EPS8: variants seen among roughly 807,000 people sequenced by gnomAD.
EPS8 encodes the protein EGFR pathway substrate 8, signaling adaptor, also known as epidermal growth factor receptor kinase substrate 8.
Under a neutral mutation model 103.8 loss-of-function variants are expected in EPS8, and 42 were observed. The observed-to-expected ratio is 0.40, with a 90% CI of 0.32 to 0.52. The LOEUF is 0.52. Among genes scored for constraint, EPS8 ranks in the 20% least tolerant of loss-of-function variants. The pLI, the probability that EPS8 is intolerant of heterozygous loss-of-function variation, is 0.40. For missense variants in EPS8, 969 were observed against 1,005.1 expected (o/e 0.96, Z 0.49); for synonymous variants, 344 against 344.6 (o/e 1.00, Z 0.02).
At position 15,751,448 on chromosome 12, in the gene EPS8, T is replaced by C. The variant is rs1028170288; in HGVS notation, c.-22+37713A>G. ...TTATTCATTCATTTTGCCAAAACTA[T>C]ATGGCACTATAGCAATAAACAAGGC... is the stretch of plus-strand genomic sequence containing the variant. On this transcript the variant is annotated intron_variant, in intron 1 of 20. Coordinates refer to ENST00000281172, the MANE Select transcript of EPS8 (RefSeq NM_004447.6). This position sits in a 1 kb window ranked among gnomAD's most constrained non-coding sequence, Gnocchi z 4.3. Among the ~76,000 whole-genome samples the C allele has an allele frequency of 6.6e-6, 1 of 152,300 alleles. No homozygotes were observed. The highest frequency in any genetic ancestry group is 2.1e-4 in the South Asian group (1 of 4,826).
chr12:15,631,212 T>A (rs910047524), intron 18 of EPS8, among the ~76,000 whole-genome samples: 5 of 152,178 alleles, frequency 3.3e-5, no homozygotes, highest in African/African-American at 7.2e-5. Flanking sequence ...TCAATTATCA[T>A]AACAGATTGG....
chr12:15,756,835 G>T (rs111880304), intron 1 of EPS8, among the ~76,000 whole-genome samples: 6,791 of 152,186 alleles, frequency 0.045, 468 homozygotes, highest in African/African-American at 0.15. Context: ...CTAACAGAAC[G>T]TCTAACATAA....
intron 17 of EPS8, among the ~76,000 whole-genome samples, chr12:15,639,528 A>G (rs766593843): frequency 1.3e-5 from 2 of 152,224 alleles, no homozygotes; most frequent in South Asian, 4.1e-4. Context: ...CAGCCAAAAC[A>G]TAACACAGCA....
intron 1 of EPS8, among the ~76,000 whole-genome samples, chr12:15,755,844 A>G (rs557989372): frequency 5.3e-5 from 8 of 152,194 alleles, no homozygotes; most frequent in Non-Finnish European, 1.0e-4. Flanking sequence ...AAATAATTCT[A>G]TATTCTTTCA....
intron 1 of EPS8, among the ~76,000 whole-genome samples, chr12:15,723,293 A>G (rs1456297257): frequency 6.6e-6 from 1 of 152,216 alleles, no homozygotes; most frequent in South Asian, 2.1e-4. Context: ...CCTGAGCAAC[A>G]GAGTGAGACC....
intron 1 of EPS8, among the ~76,000 whole-genome samples, chr12:15,766,202 G>A (rs959801151): frequency 1.3e-5 from 2 of 151,638 alleles, no homozygotes; most frequent in African/African-American, 4.8e-5. Flanking sequence ...TTTTGGCCTG[G>A]CGCAGTGGCT....
chr12:15,771,874 CA>C lies in EPS8; in HGVS notation c.-22+17286del, dbSNP rs1947158523. ...GGGCGGTGGCTCATGCCTGTAATCA[CA>C]GCACTTTGGGAGGCCGAGGTGGGTG... is the stretch of plus-strand genomic sequence containing the variant. On this transcript the variant is annotated intron_variant, in intron 1 of 20. Transcript: ENST00000281172. The surrounding 1 kb of genome is among the most constrained non-coding windows in gnomAD (Gnocchi z 4.6). Among the ~76,000 whole-genome samples the C allele has an allele frequency of 6.6e-6, 1 of 152,052 alleles. No individual in the cohort carries two copies. The highest frequency in any genetic ancestry group is 1.5e-5 in the Non-Finnish European group (1 of 67,994).
At position 15,767,636 on chromosome 12, in the gene EPS8, T is replaced by C. The variant is rs1017265037; in HGVS notation, c.-22+21525A>G. ...TCCAATACATTAAAAAAGGCTTATA[T>C]TCACCCACCTCTCTCAACACTAAAT... On this transcript the variant is annotated intron_variant, in intron 1 of 20. Transcript: ENST00000281172. The surrounding 1 kb of genome is among the most constrained non-coding windows in gnomAD (Gnocchi z 5.5). Among the ~76,000 whole-genome samples, 1 of 152,124 alleles carries C rather than the reference T, an allele frequency of 6.6e-6. No individual in the cohort carries two copies. The highest frequency in any genetic ancestry group is 2.4e-5 in the African/African-American group (1 of 41,410).
chr12:15,657,928 T>C (rs1945536070), intron 12 of EPS8, 151 bp downstream of exon 12: 1 of 617,086 alleles, frequency 1.6e-6, no homozygotes, highest in African/African-American at 1.9e-5. Context: ...TTTTAAATTC[T>C]CAAATTTTAC....
At chr12:15,681,446 G>A (rs1946004837) in intron 2 of EPS8, 144 bp from the exon 3 acceptor site, 1 of 285,624 alleles carries the variant, frequency 3.5e-6, no homozygotes, top group Non-Finnish European at 6.1e-6. Flanking sequence ...AGAACATACT[G>A]ATGGCCAGGC....
chr12:15,653,660 T>G (rs979988076), intron 13 of EPS8, among the ~76,000 whole-genome samples: 3 of 152,214 alleles, frequency 2.0e-5, no homozygotes, highest in Non-Finnish European at 4.4e-5. Flanking sequence ...TGGCACGAGT[T>G]CACATCCCTG....
chr12:15,745,244 C>A lies in EPS8; in HGVS notation c.-22+43917G>T, dbSNP rs753024104. Among the ~76,000 whole-genome samples, 30 of 152,176 alleles carry A rather than the reference C, an allele frequency of 2.0e-4. No individual in the cohort carries two copies. Among genetic ancestry groups the A allele is most frequent in the Non-Finnish European group, 3.8e-4 (26 of 68,030 alleles). On this transcript the variant is annotated intron_variant, in intron 1 of 20. Coordinates refer to ENST00000281172, the MANE Select transcript of EPS8 (RefSeq NM_004447.6). This position sits in a 1 kb window ranked among gnomAD's most constrained non-coding sequence, Gnocchi z 4.6. Reference sequence around the variant, plus strand: ...TGAGTATAAAAGAACACTTTACAACCTAACTGCTTATTATAGACTAAGTTC... The same window carrying A: ...TGAGTATAAAAGAACACTTTACAACATAACTGCTTATTATAGACTAAGTTC...
At chr12:15,722,087 G>A (rs906541903) in intron 1 of EPS8, among the ~76,000 whole-genome samples, 1 of 151,020 alleles carries the variant, frequency 6.6e-6, no homozygotes, top group Admixed American at 6.6e-5. Context: ...TCTCATTGAA[G>A]CCTTCTACAG....
At chr12:15,652,699 TG>T (rs1376109959) in intron 13 of EPS8, among the ~76,000 whole-genome samples, 1 of 152,138 alleles carries the variant, frequency 6.6e-6, no homozygotes, top group Non-Finnish European at 1.5e-5. Context: ...TATAAATAAA[TG>T]TAAATATTTT....
chr12:15,658,013 C>G, intron 12 of EPS8, 66 bp downstream of exon 12: 2 of 956,358 alleles, frequency 2.1e-6, no homozygotes, highest in Non-Finnish European at 3.4e-6. Flanking sequence ...CTAGATAATC[C>G]AGACAGACAC....
At position 15,776,303 on chromosome 12, in the gene EPS8, T is replaced by C. The variant is rs775026086; in HGVS notation, c.-22+12858A>G. ...AATAATACACTTCTGGCTGAACTAGTTTATCTAGCCTTAAAAGTTAAGCCA... is the reference window on the plus strand; with the variant it reads ...AATAATACACTTCTGGCTGAACTAGCTTATCTAGCCTTAAAAGTTAAGCCA... On this transcript the variant is annotated intron_variant, in intron 1 of 20. Coordinates refer to ENST00000281172, the MANE Select transcript of EPS8 (RefSeq NM_004447.6). This position sits in a 1 kb window ranked among gnomAD's most constrained non-coding sequence, Gnocchi z 4.2. 1.3e-5 allele frequency among the ~76,000 whole-genome samples: 2 copies of C among 152,138 alleles called. No individual in the cohort carries two copies. Among genetic ancestry groups the C allele is most frequent in the Non-Finnish European group, 2.9e-5 (2 of 68,008 alleles).
rs1052912478 is a variant in EPS8 at position 15,735,655 on chromosome 12, T to C, written c.-21-52683A>G. ...AGTACTTCTTCTATGTAGATGTGCATGTATATTGAGCTCAAAGCCTACAAA... is the reference window on the plus strand; with the variant it reads ...AGTACTTCTTCTATGTAGATGTGCACGTATATTGAGCTCAAAGCCTACAAA... On this transcript the variant is annotated intron_variant, in intron 1 of 20. Coordinates refer to ENST00000281172, the MANE Select transcript of EPS8 (RefSeq NM_004447.6). The surrounding 1 kb of genome is among the most constrained non-coding windows in gnomAD (Gnocchi z 4.4). Among the ~76,000 whole-genome samples the C allele has an allele frequency of 1.3e-4, 20 of 152,200 alleles. No individual in the cohort carries two copies. In the South Asian group the frequency reaches 1.4e-3, roughly 11 times the overall value.
At chr12:15,668,715 A>G (rs1177707489) in intron 6 of EPS8, among the ~76,000 whole-genome samples, 2 of 152,228 alleles carry the variant, frequency 1.3e-5, no homozygotes, top group Non-Finnish European at 2.9e-5. Flanking sequence ...ATCGTGGGAA[A>G]TGTCTAAGTA....
intron 15 of EPS8, among the ~76,000 whole-genome samples, chr12:15,643,510 A>G (rs561718599): frequency 1.2e-4 from 19 of 152,096 alleles, no homozygotes; most frequent in African/African-American, 4.6e-4. Flanking sequence ...GAGGCCGAGG[A>G]GGGCGGATCA....
Sources: allele counts gnomAD v4.1 joint callset (sites outside exome capture counted in the v4.1 genomes callset), GRCh38; gene constraint gnomAD v4.1.1; non-coding constraint Gnocchi (gnomAD v3.1); transcripts MANE v1.5; gene names NCBI Gene and HGNC (gene_info 2026-07-23, HGNC 2026-07-21).